Variants in DNAH11 observed in about 807,000 individuals in gnomAD.
DNAH11 encodes dynein axonemal heavy chain 11.
A neutral mutation model predicts 526.0 loss-of-function variants in DNAH11; 442 were observed. The ratio of observed to expected loss-of-function variants is 0.84; its 90% CI spans 0.78 to 0.91. The LOEUF is 0.91. Ranked by LOEUF, DNAH11 falls within the 40% of genes least tolerant of loss-of-function variation. The probability of loss-of-function intolerance (pLI) is 0.00; values close to 1 mark genes in which losing one functional copy is unlikely to be tolerated. For missense variants in DNAH11, 6,989 were observed against 5,448.7 expected (o/e 1.28, Z -8.90); for synonymous variants, 2,461 against 1,935.9 (o/e 1.27, Z -7.12).
chr7:21,867,893 G>T lies in DNAH11; in HGVS notation c.11725G>T (p.Val3909Leu), dbSNP rs886062185. Residue 3909 changes from valine (V) to leucine (L), a missense_variant, in exon 72 of 82, where the codon GTG (valine) becomes TTG (leucine). Val to Leu is a conservative substitution (Grantham distance 32). Transcript: ENST00000409508. ...AGAGGAAAAACTGGGTGCGAAGTAT[G>T]TGGAGAGGACCAGATTGGACTTAGT... ...FVEEKLGAKY[V>L]ERTRLDLVKA... is the part of the protein sequence containing the mutation. 1.3e-6 allele frequency: 2 copies of T among 1,580,382 alleles called. No homozygotes were observed. Among genetic ancestry groups the T allele is most frequent in the South Asian group, 1.2e-5 (1 of 86,096 alleles).
chr7:21,791,601 G>A (rs1216491617), intron 61 of DNAH11, among the ~76,000 whole-genome samples: 1 of 152,172 alleles, frequency 6.6e-6, no homozygotes, highest in Non-Finnish European at 1.5e-5. Flanking sequence ...CCTCTTAAGA[G>A]CTCCCCCATC....
intron 28 of DNAH11, among the ~76,000 whole-genome samples, chr7:21,654,080 A>AT (rs374988669): frequency 6.6e-6 from 1 of 151,972 alleles, no homozygotes; most frequent in East Asian, 1.9e-4. Flanking sequence ...GCTCATATTT[A>AT]TTTTTTTCTG....
At chr7:21,725,565 T>C (rs1205794905) in intron 44 of DNAH11, among the ~76,000 whole-genome samples, 3 of 152,158 alleles carry the variant, frequency 2.0e-5, no homozygotes, top group East Asian at 3.8e-4. Flanking sequence ...ACCGTTACAA[T>C]AGTGACTACC....
intron 45 of DNAH11, among the ~76,000 whole-genome samples, chr7:21,727,447 A>G (rs1025789771): frequency 3.3e-5 from 5 of 152,206 alleles, no homozygotes; most frequent in Admixed American, 6.5e-5. Context: ...TCAAATGAAT[A>G]TGTTTAATCT....
intron 2 of DNAH11, among the ~76,000 whole-genome samples, chr7:21,555,576 C>T (rs191503500): frequency 6.6e-6 from 1 of 152,338 alleles, no homozygotes; most frequent in African/African-American, 2.4e-5. Flanking sequence ...GAACTCCGCA[C>T]TTGCTTCATA....
intron 79 of DNAH11, among the ~76,000 whole-genome samples, chr7:21,896,282 G>A (rs1467855629): frequency 6.6e-6 from 1 of 152,160 alleles, no homozygotes; most frequent in East Asian, 1.9e-4. Context: ...GGCTTGGAGG[G>A]TGGGGGTGTA....
intron 25 of DNAH11, among the ~76,000 whole-genome samples, chr7:21,628,113 C>G (rs1421134758): frequency 7.2e-5 from 11 of 151,982 alleles, no homozygotes; most frequent in African/African-American, 2.4e-4. Context: ...CATATAAATG[C>G]AACTGTTTTT....
rs150682314 is a variant in DNAH11, at chr7:21,901,008, C to T, written c.13305C>T (p.Gly4435=). 3.8e-4 allele frequency: 597 copies of T among 1,586,380 alleles called. 2 individuals carry two copies. Among genetic ancestry groups the T allele is most frequent in the South Asian group, 2.7e-3 (236 of 86,592 alleles). ...GCAACCGCTGTGTTTTTGCCATAGG[C>T]GCCCGCTGGGACACCCAAGCAGGAA... ...GAYLHGLFME[G]ARWDTQAGTI... is the part of the protein sequence containing the mutation. The change falls in exon 82 of 82, where the codon GGC becomes GGT. Residue 4435 remains glycine (G), a splice_region_variant and synonymous_variant. Coordinates refer to ENST00000409508, the MANE Select transcript of DNAH11 (RefSeq NM_001277115.2).
At chr7:21,612,530 G>A (rs1785570632) in intron 20 of DNAH11, among the ~76,000 whole-genome samples, 2 of 138,798 alleles carry the variant, frequency 1.4e-5, no homozygotes, top group Admixed American at 7.7e-5. Flanking sequence ...ACTCCAGCCT[G>A]GGCGACAGAG....
In DNAH11 at chr7:21,779,069, C is replaced by A. The variant is rs761102719; in HGVS notation, c.9448C>A (p.Arg3150=). Residue 3150 remains arginine, a synonymous_variant, in exon 57 of 82, where the codon CGG becomes AGG. Coordinates refer to ENST00000409508, the MANE Select transcript of DNAH11 (RefSeq NM_001277115.2). ...CGGCCTTCAGACGGAGAAAGTGAGC[C>A]GGGAAAAGACCATCGCTGATGCTGA... ...KIGLQTEKVS[R]EKTIADAEER... The A allele has an allele frequency of 1.2e-6, 2 of 1,613,146 alleles. No individual in the cohort carries two copies. Among genetic ancestry groups the A allele is most frequent in the Admixed American group, 1.7e-5 (1 of 59,952 alleles).
chr7:21,899,830 G>GCCAA, intron 80 of DNAH11, 150 bp from the exon 81 acceptor site: 1 of 924,194 alleles, frequency 1.1e-6, no homozygotes, highest in South Asian at 1.9e-5. Flanking sequence ...GCCTTAGTTG[G>GCCAA]CCAACCCCCT....
chr7:21,849,177 GC>G (rs2128021606), intron 66 of DNAH11, among the ~76,000 whole-genome samples: 1 of 152,290 alleles, frequency 6.6e-6, no homozygotes, highest in South Asian at 2.1e-4. Context: ...GAGCCACCAT[GC>G]CCAGCCTCTA....
At chr7:21,681,759 C>CAAAA in intron 31 of DNAH11, 82 bp downstream of exon 31, 1 of 1,557,650 alleles carries the variant, frequency 6.4e-7, no homozygotes, top group Non-Finnish European at 8.8e-7. Context: ...CCAAGAAAGT[C>CAAAA]GTTGTTTTTT....
intron 30 of DNAH11, among the ~76,000 whole-genome samples, chr7:21,672,536 CT>C (rs908328361): frequency 7.2e-5 from 11 of 152,200 alleles, no homozygotes; most frequent in African/African-American, 2.4e-4. Context: ...ATTCTCGCTC[CT>C]TGGCCTCCAG....
chr7:21,579,582 T>C (rs1784232399), intron 8 of DNAH11, among the ~76,000 whole-genome samples: 1 of 152,152 alleles, frequency 6.6e-6, no homozygotes, highest in Non-Finnish European at 1.5e-5. Context: ...TGATAAGGCT[T>C]TGTGGCTGGA....
chr7:21,654,323 A>G (rs1159879401), intron 28 of DNAH11, among the ~76,000 whole-genome samples: 1 of 152,152 alleles, frequency 6.6e-6, no homozygotes, highest in Non-Finnish European at 1.5e-5. Context: ...TATAAATGGG[A>G]TAATACAAGA....
In DNAH11 at chr7:21,842,733, T is replaced by A; in HGVS notation, c.10881T>A (p.Asp3627Glu). 1.2e-6 allele frequency: 2 copies of A among 1,609,566 alleles called. No homozygotes were observed. Among genetic ancestry groups the A allele is most frequent in the Non-Finnish European group, 1.7e-6 (2 of 1,178,046 alleles). Residue 3627 changes from aspartate to glutamate, a missense_variant, in exon 66 of 82, where the codon GAT becomes GAA. Transcript: ENST00000409508. ...AGGTTGTCAGTATTGAAAGGCCAGA[T>A]TTGGAGAAACTTAAGGTAAAAATGT... is the stretch of plus-strand genomic sequence containing the variant. ...LAEVVSIERP[D>E]LEKLKLVLTK...
chr7:21,735,592 ACT>A, intron 45 of DNAH11, 46 bp from the exon 46 acceptor site: 2 of 1,518,234 alleles, frequency 1.3e-6, no homozygotes, highest in Non-Finnish European at 1.8e-6. Flanking sequence ...TCTCGCACGC[ACT>A]CTCTCTCTCT....
intron 8 of DNAH11, among the ~76,000 whole-genome samples, chr7:21,580,709 C>G (rs1784276766): frequency 6.6e-6 from 1 of 152,172 alleles, no homozygotes; most frequent in Non-Finnish European, 1.5e-5. Context: ...TATATGGGCA[C>G]TGATCCCATT....
Sources: allele counts gnomAD v4.1 joint callset (sites outside exome capture counted in the v4.1 genomes callset), GRCh38; gene constraint gnomAD v4.1.1; transcripts MANE v1.5; gene names NCBI Gene and HGNC (gene_info 2026-07-23, HGNC 2026-07-21).